GRIK2: variants seen among roughly 807,000 people sequenced by gnomAD.
The protein encoded by GRIK2 is glutamate receptor ionotropic, kainate 2.
A neutral mutation model predicts 100.3 loss-of-function variants in GRIK2; 32 were observed. The ratio of observed to expected loss-of-function variants is 0.32; its 90% confidence interval spans 0.24 to 0.43. GRIK2 has a LOEUF of 0.43. GRIK2 is among the 20% of genes least tolerant of loss of function. The probability of loss-of-function intolerance (pLI) is 1.00; values close to 1 mark genes in which losing one functional copy is unlikely to be tolerated. For synonymous variants in GRIK2, 417 were observed against 389.4 expected, an observed-to-expected ratio of 1.07 and a Z score of -0.83; for missense variants, 843 against 1,114.9, an observed-to-expected ratio of 0.76 and a Z score of 3.47.
intron 12 of GRIK2, among the ~76,000 whole-genome samples, chr6:101,918,413 T>C (rs1268050634): frequency 6.6e-6 from 1 of 151,786 alleles, no homozygotes; most frequent in Non-Finnish European, 1.5e-5. Context: ...CAAATTAATG[T>C]TGAATTAGCT....
chr6:101,777,915 A>G (rs1028421118), intron 7 of GRIK2, among the ~76,000 whole-genome samples: 3 of 152,202 alleles, frequency 2.0e-5, no homozygotes, highest in Admixed American at 1.3e-4. Flanking sequence ...TGAGCTGCTG[A>G]CAGATTTGGT....
chr6:101,537,765 C>CT (rs1775786504), intron 2 of GRIK2, among the ~76,000 whole-genome samples: 1 of 151,686 alleles, frequency 6.6e-6, no homozygotes, highest in Admixed American at 6.6e-5. Context: ...GAGAGGAATT[C>CT]TAAGACTCCT....
intron 11 of GRIK2, among the ~76,000 whole-genome samples, chr6:101,874,985 A>C (rs1785719095): frequency 6.6e-6 from 1 of 152,146 alleles, no homozygotes; most frequent in Non-Finnish European, 1.5e-5. Flanking sequence ...TAACAGCTTA[A>C]GGAAATTTTG....
At chr6:101,412,525 A>G (rs982373450) in intron 2 of GRIK2, among the ~76,000 whole-genome samples, 1 of 152,078 alleles carries the variant, frequency 6.6e-6, no homozygotes, top group Non-Finnish European at 1.5e-5. Context: ...GGAAATTTTA[A>G]GATAAATATT....
chr6:101,468,682 A>T (rs570733039), intron 2 of GRIK2, among the ~76,000 whole-genome samples: 5 of 152,290 alleles, frequency 3.3e-5, no homozygotes, highest in African/African-American at 1.2e-4. Flanking sequence ...ATTTTCCTGT[A>T]CAACTGGCCT....
intron 7 of GRIK2, among the ~76,000 whole-genome samples, chr6:101,761,489 A>G (rs535345094): frequency 6.6e-6 from 1 of 152,274 alleles, no homozygotes; most frequent in Admixed American, 6.5e-5. Context: ...TCCAGAGCTC[A>G]TGATAGCACA....
At chr6:101,425,961 C>T (rs952439414) in intron 2 of GRIK2, among the ~76,000 whole-genome samples, 4 of 152,148 alleles carry the variant, frequency 2.6e-5, no homozygotes, top group African/African-American at 9.7e-5. Context: ...CGTGAATTTC[C>T]TTTTTGTTGT....
intron 7 of GRIK2, among the ~76,000 whole-genome samples, chr6:101,733,213 A>C (rs967544762): frequency 6.6e-6 from 1 of 152,156 alleles, no homozygotes; most frequent in Non-Finnish European, 1.5e-5. Flanking sequence ...TCTAAATACT[A>C]TCTAAATCAG....
At chr6:101,886,871 G>A (rs1487610872) in intron 11 of GRIK2, among the ~76,000 whole-genome samples, 1 of 131,078 alleles carries the variant, frequency 7.6e-6, no homozygotes, top group Admixed American at 9.6e-5. Flanking sequence ...CTGTTGCCTG[G>A]CTGGAGTGCA....
At chr6:101,858,979 C>T (rs887058119) in intron 10 of GRIK2, among the ~76,000 whole-genome samples, 6 of 151,458 alleles carry the variant, frequency 4.0e-5, no homozygotes, top group Admixed American at 6.6e-5. Flanking sequence ...GCATATATTA[C>T]ATATCACATA....
chr6:101,704,492 T>C (rs915043897), intron 7 of GRIK2, among the ~76,000 whole-genome samples: 1 of 151,850 alleles, frequency 6.6e-6, no homozygotes, highest in Non-Finnish European at 1.5e-5. Context: ...CTTCTAAAAT[T>C]GCTGAACTAA....
At chr6:101,952,774 T>C (rs998416337) in intron 14 of GRIK2, among the ~76,000 whole-genome samples, 5 of 152,120 alleles carry the variant, frequency 3.3e-5, no homozygotes, top group African/African-American at 1.2e-4. Flanking sequence ...AGCTAATTTT[T>C]TGTATTTTTA....
At chr6:102,042,173 G>GTATT (rs1388150321) in intron 15 of GRIK2, among the ~76,000 whole-genome samples, 6 of 151,596 alleles carry the variant, frequency 4.0e-5, no homozygotes, top group Non-Finnish European at 7.4e-5. Flanking sequence ...AGCTCAAAAT[G>GTATT]TATTAGGAGA....
intron 14 of GRIK2, among the ~76,000 whole-genome samples, chr6:102,029,003 A>G (rs1273951415): frequency 2.0e-5 from 3 of 151,142 alleles, no homozygotes. Flanking sequence ...TTAGCTTACT[A>G]CCTGTCTTTT....
At chr6:101,694,511 TG>T (rs1772332739) in intron 7 of GRIK2, among the ~76,000 whole-genome samples, 1 of 152,038 alleles carries the variant, frequency 6.6e-6, no homozygotes, top group Non-Finnish European at 1.5e-5. Flanking sequence ...AAATACTGGT[TG>T]AAATTATTAA....
At chr6:101,561,221 T>G (rs138435399) in intron 2 of GRIK2, among the ~76,000 whole-genome samples, 14 of 152,254 alleles carry the variant, frequency 9.2e-5, no homozygotes, top group African/African-American at 3.1e-4. Context: ...TTAAGAAAGG[T>G]GACATTCAGC....
chr6:101,588,356 G>C (rs1778476034), intron 2 of GRIK2, among the ~76,000 whole-genome samples: 2 of 152,078 alleles, frequency 1.3e-5, no homozygotes, highest in Admixed American at 6.6e-5. Context: ...AAAATGACTG[G>C]AGAAGAGGCA....
intron 16 of GRIK2, among the ~76,000 whole-genome samples, chr6:102,058,024 A>T: frequency 6.6e-6 from 1 of 151,854 alleles, no homozygotes; most frequent in Admixed American, 6.6e-5. Context: ...TGACTCATAT[A>T]TCTCATCTTT....
At chr6:101,656,558 T>C (rs1769201675) in intron 4 of GRIK2, among the ~76,000 whole-genome samples, 1 of 152,186 alleles carries the variant, frequency 6.6e-6, no homozygotes, top group Non-Finnish European at 1.5e-5. Context: ...GTAGCCATTG[T>C]CATTGTTAAG....
Sources: gnomAD v4.1 joint callset for allele counts (sites outside exome capture counted in the v4.1 genomes callset) on GRCh38, gnomAD v4.1.1 for gene constraint, MANE v1.5 for transcripts, NCBI Gene and HGNC (gene_info 2026-07-23, HGNC 2026-07-21) for gene names.